The following BRI3 variants were observed in gnomAD, a reference collection of about 807,000 sequenced individuals.
The protein encoded by BRI3 is brain protein I3.
In BRI3, 6 loss-of-function variants were observed where a neutral mutation model predicts 12.8. That is an observed-to-expected ratio of 0.47 (90% CI 0.26 to 0.93). The LOEUF (loss-of-function observed/expected upper bound fraction) is 0.93. BRI3 is among the 40% of genes least tolerant of loss of function. BRI3 has a pLI of 0.15. For missense variants in BRI3, 134 were observed against 171.1 expected (o/e 0.78, Z 1.21); for synonymous variants, 91 against 76.1 (o/e 1.20, Z -1.02).
downstream of BRI3, chr7:98,293,255 C>T: frequency 2.6e-6 from 1 of 378,708 alleles, no homozygotes; most frequent in Non-Finnish European, 4.7e-6. Context: ...AAGATTGAAA[C>T]CAAGTTTACT....
chr7:98,297,304 G>A (rs1292047562), downstream of BRI3, among the ~76,000 whole-genome samples: 3 of 152,224 alleles, frequency 2.0e-5, no homozygotes, highest in East Asian at 3.8e-4. Context: ...CTTCCAGGGT[G>A]CCCACCACAT....
At position 98,290,386 on chromosome 7, in the gene BRI3, G is replaced by A. The variant is rs546111483; in HGVS notation, c.246-725G>A. Among the ~76,000 whole-genome samples, 949 of 151,514 alleles carry A rather than the reference G, an allele frequency of 6.3e-3. 5 individuals carry two copies. Among genetic ancestry groups the A allele is most frequent in the South Asian group, 0.011 (52 of 4,788 alleles). ...AATTTTTTGTATTTTTAGTAGAGAC[G>A]GGGTTTCACCTTGTTAGCCAGGATG... On this transcript the variant is annotated intron_variant, in intron 2 of 2. Coordinates refer to ENST00000297290, the MANE Select transcript of BRI3 (RefSeq NM_015379.5).
the BRI3 span, among the ~76,000 whole-genome samples, chr7:98,322,547 G>A: frequency 6.6e-6 from 1 of 152,158 alleles, no homozygotes; most frequent in Non-Finnish European, 1.5e-5. Context: ...CCCTTCCTAA[G>A]CTCTGTGGTC....
intron 2 of BRI3, among the ~76,000 whole-genome samples, chr7:98,284,995 G>A (rs1381938423): frequency 6.6e-6 from 1 of 152,170 alleles, no homozygotes; most frequent in Non-Finnish European, 1.5e-5. Flanking sequence ...GCGCTGGGAG[G>A]CTCTCCTGGG....
At chr7:98,294,059 G>C, downstream of BRI3, 2 of 1,613,712 alleles carry the variant, frequency 1.2e-6, no homozygotes, top group Non-Finnish European at 1.7e-6. Context: ...GGCTCACGTA[G>C]GAAGCCACGC....
chr7:98,283,420 G>T (rs1023942095), intron 2 of BRI3, among the ~76,000 whole-genome samples: 19 of 152,152 alleles, frequency 1.2e-4, no homozygotes, highest in African/African-American at 4.3e-4. Context: ...GGACCTCGGG[G>T]GCAGGTTGTG....
At chr7:98,319,837 C>CCTGGCCTGTAAT in the BRI3 span, among the ~76,000 whole-genome samples, 1 of 152,202 alleles carries the variant, frequency 6.6e-6, no homozygotes, top group Non-Finnish European at 1.5e-5. Flanking sequence ...AGGCATGAGC[C>CCTGGCCTGTAAT]ACCGCACCTG....
Position 98,281,763 on chromosome 7 carries a change from C to G in BRI3, c.-33C>G, listed in dbSNP as rs1799522572. 1 of 1,036,802 alleles carries G rather than the reference C, an allele frequency of 9.6e-7. No individual in the cohort carries two copies. Among genetic ancestry groups the G allele is most frequent in the African/African-American group, 1.7e-5 (1 of 58,096 alleles). 64.2% of individuals were successfully genotyped at this position (1,036,802 alleles called of 1,614,324 possible). A position where few individuals can be genotyped will look rare whatever the true frequency, so the allele number is the denominator to read the frequency against. ...CCCCGCCGGGGCCGACCGAGCCGAG[C>G]CGGGCCGGAGCGGCGGGCGCGGCCG... is the stretch of plus-strand genomic sequence containing the variant. On this transcript the variant is annotated 5_prime_UTR_variant, in exon 1 of 3. Transcript: ENST00000297290.
chr7:98,281,983 A>G (rs1324949700), intron 1 of BRI3, 46 bp downstream of exon 1: 2 of 1,286,768 alleles, frequency 1.6e-6, no homozygotes, highest in African/African-American at 1.6e-5. Flanking sequence ...CCGAGGTGGC[A>G]AGCCCGGTCG....
At chr7:98,314,595 G>A (rs570546345), downstream of BRI3, among the ~76,000 whole-genome samples, 4 of 152,348 alleles carry the variant, frequency 2.6e-5, no homozygotes, top group Admixed American at 2.0e-4. Context: ...TGTGTTGGAA[G>A]GAGGGTGATG....
At chr7:98,310,722 T>C, downstream of BRI3, 1 of 736,296 alleles carries the variant, frequency 1.4e-6, no homozygotes, top group East Asian at 3.4e-5. Context: ...AGTCTCGCTG[T>C]GTTGCCCAGG....
At chr7:98,305,362 TAA>T (rs1800615220), upstream of BRI3, among the ~76,000 whole-genome samples, 1 of 151,978 alleles carries the variant, frequency 6.6e-6, no homozygotes. Context: ...TTTAACATCC[TAA>T]AAGTGTTACT....
rs902982207 is a variant in BRI3 at position 98,306,700 on chromosome 7, G to A, written n.144+35G>A. 67 of 893,564 alleles carry A rather than the reference G, an allele frequency of 7.5e-5. 1 individual carries two copies. In the South Asian group the frequency reaches 1.0e-3, roughly 14 times the overall value. 55.4% of individuals were successfully genotyped at this position (893,564 alleles called of 1,614,324 possible). Reference sequence around the variant, plus strand: ...GACTTTCACATACACTGAACAATGTGTATTGTTAACAATTTTTTTTTAATA... The same window carrying A: ...GACTTTCACATACACTGAACAATGTATATTGTTAACAATTTTTTTTTAATA... On this transcript the variant is annotated intron_variant and non_coding_transcript_variant, in intron 1 of 1. Transcript: ENST00000485422.
chr7:98,291,096 C>A lies in BRI3; in HGVS notation c.246-15C>A, dbSNP rs1799929967. The stretch of plus-strand genomic sequence containing the variant: ...GTCCTTACGGTGCCACCCTCTCTGC[C>A]CGTCTCTGCTGCAGGGTTGGGGTGC... On this transcript the variant is annotated splice_polypyrimidine_tract_variant and intron_variant, in intron 2 of 2. Transcript: ENST00000297290. The A allele has an allele frequency of 3.7e-6, 6 of 1,612,368 alleles. No homozygotes were observed. The highest frequency in any genetic ancestry group is 1.7e-5 in the Admixed American group (1 of 59,806).
chr7:98,310,415 T>C (rs767206411), exon 2 of BRI3: 1 of 1,563,380 alleles, frequency 6.4e-7, no homozygotes, highest in East Asian at 2.3e-5. Flanking sequence ...GTAAAAGGTA[T>C]CTTCAAATAA....
At chr7:98,318,902 C>T in the BRI3 span, among the ~76,000 whole-genome samples, 5 of 148,154 alleles carry the variant, frequency 3.4e-5, no homozygotes, top group Non-Finnish European at 7.4e-5. Flanking sequence ...CCCGAGATTG[C>T]GCCACTGCAC....
chr7:98,285,455 C>T (rs553429303), intron 2 of BRI3, among the ~76,000 whole-genome samples: 1 of 152,312 alleles, frequency 6.6e-6, no homozygotes, highest in African/African-American at 2.4e-5. Context: ...GATGGCTCTG[C>T]CCATATGTAT....
chr7:98,282,597 A>T, intron 2 of BRI3, 144 bp downstream of exon 2: 1 of 675,600 alleles, frequency 1.5e-6, no homozygotes, highest in Non-Finnish European at 2.6e-6. Context: ...AGGGACAGAC[A>T]GGCTGCCCGA....
chr7:98,281,711 C>G lies in BRI3; in HGVS notation c.-85C>G, dbSNP rs1315350582. 17 of 710,672 alleles carry G rather than the reference C, an allele frequency of 2.4e-5. No individual in the cohort carries two copies. The highest frequency in any genetic ancestry group is 7.6e-5 in the Admixed American group (1 of 13,186). 44.0% of individuals were successfully genotyped at this position (710,672 alleles called of 1,614,324 possible). On this transcript the variant is annotated 5_prime_UTR_variant, in exon 1 of 3. Transcript: ENST00000297290. Reference sequence around the variant, plus strand: ...AGAGGGGCCCGAGCCACCCGGTCCGCCGCGTCCCCGCCGCCGCCGCCGCGT... The same window carrying G: ...AGAGGGGCCCGAGCCACCCGGTCCGGCGCGTCCCCGCCGCCGCCGCCGCGT...
Sources: gnomAD v4.1 joint callset for allele counts (sites outside exome capture counted in the v4.1 genomes callset) on GRCh38, gnomAD v4.1.1 for gene constraint, MANE v1.5 for transcripts, NCBI Gene and HGNC (gene_info 2026-07-23, HGNC 2026-07-21) for gene names.